The following HERC3 variants were observed in gnomAD, a reference collection of about 807,000 sequenced individuals.
HERC3 encodes probable E3 ubiquitin-protein ligase HERC3.
In HERC3, 58 loss-of-function variants were observed where a neutral mutation model predicts 129.9. The ratio of observed to expected loss-of-function variants is 0.45; its 90% CI spans 0.36 to 0.56. HERC3 has a LOEUF of 0.56. Among genes scored for constraint, HERC3 ranks in the 20% least tolerant of loss-of-function variants. The probability of loss-of-function intolerance (pLI) is 0.00; values close to 1 mark genes in which losing one functional copy is unlikely to be tolerated. For synonymous variants in HERC3, 430 were observed against 451.0 expected (o/e 0.95, Z 0.59); for missense variants, 835 against 1,244.2 (o/e 0.67, Z 4.95).
chr4:88,558,734 C>T, the HERC3 span, among the ~76,000 whole-genome samples: 5 of 151,774 alleles, frequency 3.3e-5, no homozygotes, highest in East Asian at 1.9e-4. Flanking sequence ...GAGGCCGAGG[C>T]GGGCGGATCA....
the HERC3 span, among the ~76,000 whole-genome samples, chr4:88,576,455 T>C: frequency 6.6e-6 from 1 of 152,240 alleles, no homozygotes; most frequent in Non-Finnish European, 1.5e-5. Context: ...CCTGCAATCC[T>C]TTCAGTGCCT....
the HERC3 span, among the ~76,000 whole-genome samples, chr4:88,535,494 A>T: frequency 2.0e-5 from 3 of 152,254 alleles, no homozygotes; most frequent in African/African-American, 7.2e-5. Flanking sequence ...TTTACTATCC[A>T]CTCACCTACA....
chr4:88,534,215 C>T, the HERC3 span, among the ~76,000 whole-genome samples: 1 of 152,326 alleles, frequency 6.6e-6, no homozygotes, highest in East Asian at 1.9e-4. Context: ...AGCAAGACTC[C>T]AGAACACTGG....
intron 8 of HERC3, among the ~76,000 whole-genome samples, chr4:88,655,597 T>C (rs2282592): frequency 0.039 from 5,903 of 152,148 alleles, 336 homozygotes; most frequent in East Asian, 0.27. Flanking sequence ...TTCTTGGAAA[T>C]TTTTGCCTGA....
At chr4:88,589,685 TG>T (rs1393588603), upstream of HERC3, among the ~76,000 whole-genome samples, 13 of 152,222 alleles carry the variant, frequency 8.5e-5, 1 homozygote, top group East Asian at 2.5e-3. Flanking sequence ...ACGTATCTGC[TG>T]TTAAGACTAT....
At chr4:88,528,316 G>A in the HERC3 span, 2 of 152,500 alleles carry the variant, frequency 1.3e-5, no homozygotes, top group Non-Finnish European at 2.9e-5. Context: ...TATACAGCCA[G>A]AAAATAAGGT....
At chr4:88,696,309 CAGAA>C (rs768799114) in intron 23 of HERC3, 9 of 152,644 alleles carry the variant, frequency 5.9e-5, no homozygotes, top group Non-Finnish European at 8.8e-5. Flanking sequence ...AGCTACATGA[CAGAA>C]AGACGTCACA....
chr4:88,557,512 T>C, the HERC3 span, among the ~76,000 whole-genome samples: 1 of 152,238 alleles, frequency 6.6e-6, no homozygotes, highest in South Asian at 2.1e-4. Flanking sequence ...AGCACTGATA[T>C]ATTCACATAC....
At chr4:88,686,689 G>A in intron 21 of HERC3, 47 bp from the exon 22 acceptor site, 1 of 1,168,806 alleles carries the variant, frequency 8.6e-7, no homozygotes, top group Non-Finnish European at 1.3e-6. Flanking sequence ...CACTGTTGCA[G>A]CAGTGTCTGA....
intron 3 of HERC3, among the ~76,000 whole-genome samples, chr4:88,638,365 C>A (rs527529498): frequency 1.3e-5 from 2 of 152,300 alleles, no homozygotes; most frequent in African/African-American, 4.8e-5. Flanking sequence ...CAAACCAAAT[C>A]CAGCAGCACA....
At chr4:88,690,408 A>G (rs947649521) in intron 23 of HERC3, 2 of 985,304 alleles carry the variant, frequency 2.0e-6, no homozygotes, top group Non-Finnish European at 2.4e-6. Context: ...GTACGTATGT[A>G]GATACATACG....
chr4:88,684,939 C>G (rs1733243007), intron 21 of HERC3: 1 of 152,210 alleles, frequency 6.6e-6, no homozygotes, highest in African/African-American at 2.4e-5. Context: ...AGTATATGTG[C>G]TGCTGAAGCG....
chr4:88,686,014 G>A (rs961611033), intron 21 of HERC3, among the ~76,000 whole-genome samples: 1 of 152,058 alleles, frequency 6.6e-6, no homozygotes, highest in Non-Finnish European at 1.5e-5. Flanking sequence ...AAATTATATT[G>A]TTGTTGAAGA....
the HERC3 span, among the ~76,000 whole-genome samples, chr4:88,581,813 T>A: frequency 6.6e-6 from 1 of 152,232 alleles, no homozygotes; most frequent in African/African-American, 2.4e-5. Flanking sequence ...CTATGTTTTT[T>A]ATAGAATTTT....
chr4:88,604,350 G>C (rs1205652431), intron 2 of HERC3, among the ~76,000 whole-genome samples: 1 of 152,138 alleles, frequency 6.6e-6, no homozygotes, highest in Non-Finnish European at 1.5e-5. Flanking sequence ...ATAAAATTTA[G>C]GGGTTTTTAG....
At chr4:88,554,188 A>G in the HERC3 span, among the ~76,000 whole-genome samples, 5 of 152,090 alleles carry the variant, frequency 3.3e-5, no homozygotes, top group Admixed American at 3.3e-4. Flanking sequence ...TCTACTGAAA[A>G]TACAAAAATT....
At chr4:88,660,511 C>T (rs949822168) in intron 10 of HERC3, among the ~76,000 whole-genome samples, 16 of 152,046 alleles carry the variant, frequency 1.1e-4, no homozygotes, top group African/African-American at 3.9e-4. Context: ...GCCATAGCCT[C>T]TATTTTTATA....
chr4:88,555,562 TATC>T, the HERC3 span, among the ~76,000 whole-genome samples: 3,521 of 152,318 alleles, frequency 0.023, 134 homozygotes, highest in African/African-American at 0.079. Context: ...TATGGCTAAT[TATC>T]ATTAACTGGT....
At chr4:88,646,504 C>T (rs1728704235) in intron 3 of HERC3, among the ~76,000 whole-genome samples, 1 of 152,170 alleles carries the variant, frequency 6.6e-6, no homozygotes, top group Non-Finnish European at 1.5e-5. Flanking sequence ...AGAAAGTATA[C>T]TTTTATTCTC....
Sources: gnomAD v4.1 joint callset for allele counts (sites outside exome capture counted in the v4.1 genomes callset) on GRCh38, gnomAD v4.1.1 for gene constraint, MANE v1.5 for transcripts, NCBI Gene and HGNC (gene_info 2026-07-23, HGNC 2026-07-21) for gene names.